The following N4BP2 variants were observed in gnomAD, a reference collection of about 807,000 sequenced individuals.
The protein encoded by N4BP2 is NEDD4-binding protein 2.
N4BP2 carries 91 observed loss-of-function variants against 152.8 expected under a neutral mutation model. The ratio of observed to expected loss-of-function variants is 0.60; its 90% confidence interval spans 0.50 to 0.71. The LOEUF is 0.71. N4BP2 is among the 30% of genes least tolerant of loss of function. The probability of loss-of-function intolerance (pLI) is 0.00; values close to 1 mark genes in which losing one functional copy is unlikely to be tolerated. For missense variants in N4BP2, 1,923 were observed against 2,059.1 expected, an observed-to-expected ratio of 0.93 and a Z score of 1.28; for synonymous variants, 646 against 705.3, an observed-to-expected ratio of 0.92 and a Z score of 1.33.
At chr4:40,057,520 G>T (rs946204819) in intron 1 of N4BP2, among the ~76,000 whole-genome samples, 1 of 152,144 alleles carries the variant, frequency 6.6e-6, no homozygotes, top group African/African-American at 2.4e-5. Context: ...TTCAAGTCCA[G>T]ACACACAGCC....
intron 7 of N4BP2, among the ~76,000 whole-genome samples, chr4:40,113,770 A>T (rs1307881603): frequency 6.6e-6 from 1 of 151,938 alleles, no homozygotes; most frequent in Non-Finnish European, 1.5e-5. Flanking sequence ...TATTTATTTA[A>T]ATATAGAGAC....
intron 16 of N4BP2, among the ~76,000 whole-genome samples, chr4:40,147,613 G>C (rs1328943408): frequency 6.6e-6 from 1 of 150,946 alleles, no homozygotes; most frequent in Non-Finnish European, 1.5e-5. Flanking sequence ...CTCCCGGACG[G>C]GGCGGCTGGC....
Position 40,087,686 on chromosome 4 carries a change from G to A in N4BP2, c.-114-9541G>A, listed in dbSNP as rs186498764. ...ACTCCACGTGCACCCCGCCCCCTCC[G>A]CCCAAAAAAAAGGAATGTTGTGTAA... On this transcript the variant is annotated intron_variant, in intron 2 of 17. Transcript: ENST00000261435. Among the ~76,000 whole-genome samples the A allele has an allele frequency of 1.0e-4, 15 of 149,612 alleles. No homozygotes were observed. In the East Asian group the frequency reaches 2.6e-3, roughly 26 times the overall value.
chr4:40,173,138 C>T, the N4BP2 span, among the ~76,000 whole-genome samples: 1 of 151,888 alleles, frequency 6.6e-6, no homozygotes, highest in African/African-American at 2.4e-5. Context: ...ACATCTCTTG[C>T]GCATCAGGCC....
chr4:40,115,157 A>G (rs1220920594), intron 7 of N4BP2, among the ~76,000 whole-genome samples: 1 of 152,048 alleles, frequency 6.6e-6, no homozygotes, highest in Non-Finnish European at 1.5e-5. Context: ...AAACTTCTCT[A>G]CTTGAAGGTT....
At chr4:40,160,001 G>A (rs527567182), downstream of N4BP2, among the ~76,000 whole-genome samples, 22 of 152,008 alleles carry the variant, frequency 1.4e-4, no homozygotes, top group Admixed American at 1.3e-4. Context: ...TGTATTTTTA[G>A]TAGAGATGGG....
chr4:40,145,466 C>T (rs1248774365), intron 16 of N4BP2, among the ~76,000 whole-genome samples: 1 of 152,172 alleles, frequency 6.6e-6, no homozygotes, highest in African/African-American at 2.4e-5. Context: ...TCAAGCAATC[C>T]ACCTGCCTTG....
At chr4:40,076,638 G>A (rs1408611711) in intron 2 of N4BP2, among the ~76,000 whole-genome samples, 3 of 151,834 alleles carry the variant, frequency 2.0e-5, no homozygotes, top group Non-Finnish European at 1.5e-5. Flanking sequence ...ACAGGCTCCC[G>A]CCACCACGCC....
the N4BP2 span, among the ~76,000 whole-genome samples, chr4:40,185,093 T>C: frequency 1.8e-3 from 277 of 152,340 alleles, no homozygotes; most frequent in Admixed American, 3.7e-3. Flanking sequence ...TCTCTATTTT[T>C]TTCAGGTCTC....
the N4BP2 span, among the ~76,000 whole-genome samples, chr4:40,180,760 A>G: frequency 6.6e-6 from 1 of 152,198 alleles, no homozygotes; most frequent in African/African-American, 2.4e-5. Flanking sequence ...AGGTTAATCT[A>G]TTTTCCAGAC....
intron 13 of N4BP2, 57 bp downstream of exon 13, chr4:40,131,976 C>A: frequency 9.5e-7 from 1 of 1,047,676 alleles, no homozygotes; most frequent in Non-Finnish European, 1.5e-6. Context: ...AAAGCATATG[C>A]CATGTTTATT....
intron 1 of N4BP2, among the ~76,000 whole-genome samples, chr4:40,066,842 C>T (rs1170669709): frequency 6.6e-6 from 1 of 152,074 alleles, no homozygotes; most frequent in East Asian, 1.9e-4. Context: ...AACTGAAACT[C>T]TGTACCCAGT....
At chr4:40,103,982 T>C (rs910441851) in intron 4 of N4BP2, among the ~76,000 whole-genome samples, 1 of 152,000 alleles carries the variant, frequency 6.6e-6, no homozygotes, top group Non-Finnish European at 1.5e-5. Context: ...TGAGACGGAG[T>C]CTTGCTCTGT....
chr4:40,063,979 G>A (rs978263662), intron 1 of N4BP2, among the ~76,000 whole-genome samples: 2 of 151,726 alleles, frequency 1.3e-5, no homozygotes, highest in East Asian at 1.9e-4. Flanking sequence ...TTGGTGGGGC[G>A]GCAGGGGGGG....
At position 40,154,581 on chromosome 4, in the gene N4BP2, G is replaced by A. The variant is rs1721446241; in HGVS notation, c.*344G>A. 6 of 203,140 alleles carry A rather than the reference G, an allele frequency of 3.0e-5. No homozygotes were observed. The South Asian group carries it at 5.7e-4, about 19-fold the overall frequency. The allele number at this position is 203,140 out of a possible 1,614,324, so 12.6% of individuals were successfully genotyped here. A position where few individuals can be genotyped will look rare whatever the true frequency, so the allele number is the denominator to read the frequency against. On this transcript the variant is annotated 3_prime_UTR_variant, in exon 18 of 18. Coordinates refer to ENST00000261435, the MANE Select transcript of N4BP2 (RefSeq NM_018177.6). ...TATGACATTTAGTAATGTCCTAAAA[G>A]TCTTTTGTGAGAGGTATTTAAAGTG...
At chr4:40,152,379 G>T (rs887144785) in intron 16 of N4BP2, among the ~76,000 whole-genome samples, 1 of 152,172 alleles carries the variant, frequency 6.6e-6, no homozygotes, top group African/African-American at 2.4e-5. Context: ...GGGTTGTTGT[G>T]AAGATTCTTA....
At chr4:40,126,431 T>C in intron 12 of N4BP2, 101 bp downstream of exon 12, 1 of 557,564 alleles carries the variant, frequency 1.8e-6, no homozygotes, top group Non-Finnish European at 3.0e-6. Flanking sequence ...CTAGAATCCA[T>C]ATTTAACCTG....
chr4:40,119,614 A>G (rs565086451), intron 8 of N4BP2, among the ~76,000 whole-genome samples: 1 of 152,274 alleles, frequency 6.6e-6, no homozygotes, highest in African/African-American at 2.4e-5. Context: ...CTCTCCTGGG[A>G]ACAAATTCAG....
At chr4:40,141,290 C>A (rs891141604) in intron 14 of N4BP2, among the ~76,000 whole-genome samples, 1 of 151,422 alleles carries the variant, frequency 6.6e-6, no homozygotes, top group African/African-American at 2.4e-5. Context: ...CCTTCCTGGA[C>A]GGGGTGGCTG....
Sources: allele counts gnomAD v4.1 joint callset (sites outside exome capture counted in the v4.1 genomes callset), GRCh38; gene constraint gnomAD v4.1.1; transcripts MANE v1.5; gene names NCBI Gene and HGNC (gene_info 2026-07-23, HGNC 2026-07-21).